Variants in TCF4 observed in about 807,000 individuals in gnomAD.
The protein encoded by TCF4 is SL3-3 enhancer factor 2.
TCF4 carries 3 observed loss-of-function variants against 82.1 expected under a neutral mutation model. That is an observed-to-expected ratio of 0.04 (90% CI 0.02 to 0.09). The LOEUF is 0.09. Ranked by LOEUF, TCF4 falls within the 10% of genes least tolerant of loss-of-function variation. The probability of loss-of-function intolerance (pLI) is 1.00; values close to 1 mark genes in which losing one functional copy is unlikely to be tolerated. For synonymous variants in TCF4, 276 were observed against 309.6 expected (o/e 0.89, Z 1.14); for missense variants, 518 against 852.7 (o/e 0.61, Z 4.89).
At position 55,577,213 on chromosome 18, in the gene TCF4, A is replaced by ATATATACGTTTATATATTTATAT. The variant is rs1568443765; in HGVS notation, c.145+8066_145+8067insATATAAATATATAAACGTATATA. Among the ~76,000 whole-genome samples, 25 of 17,834 alleles carry ATATATACGTTTATATATTTATAT rather than the reference A, an allele frequency of 1.4e-3. 1 individual carries two copies. Among genetic ancestry groups the ATATATACGTTTATATATTTATAT allele is most frequent in the Admixed American group, 5.7e-3 (11 of 1,930 alleles). The allele number at this position is 17,834 out of a possible 152,430, so 11.7% of individuals were successfully genotyped here. A position where few individuals can be genotyped will look rare whatever the true frequency, so the allele number is the denominator to read the frequency against. On this transcript the variant is annotated intron_variant, in intron 3 of 19. Coordinates refer to ENST00000354452, the MANE Select transcript of TCF4 (RefSeq NM_001083962.2). The stretch of plus-strand genomic sequence containing the variant: ...ATATATACATTTATATATTTATATA[A>ATATATACGTTTATATATTTATAT]ATGTATATATACGTTTATATATTTA...
intron 8 of TCF4, among the ~76,000 whole-genome samples, chr18:55,319,015 A>G (rs1045525742): frequency 2.6e-5 from 4 of 152,176 alleles, no homozygotes; most frequent in Non-Finnish European, 5.9e-5. Context: ...CTGAATTTAA[A>G]CAAGTAATTG....
chr18:55,386,869 T>C (rs2092649938), intron 6 of TCF4, among the ~76,000 whole-genome samples: 1 of 152,160 alleles, frequency 6.6e-6, no homozygotes, highest in Non-Finnish European at 1.5e-5. Context: ...GACTGGAATA[T>C]AAGGGGTGCT....
rs1003887029 is a variant in TCF4 at position 55,535,485 on chromosome 18, T to C, written c.145+49795A>G. Among the ~76,000 whole-genome samples the C allele has an allele frequency of 8.5e-5, 13 of 152,370 alleles. No homozygotes were observed. In the East Asian group the frequency reaches 2.3e-3, roughly 27 times the overall value. On this transcript the variant is annotated intron_variant, in intron 3 of 19. Coordinates refer to ENST00000354452, the MANE Select transcript of TCF4 (RefSeq NM_001083962.2). Reference sequence around the variant, plus strand: ...ACTGCTATATTAGAAACAAAAGTTATACAAATTCTTTTTCTGATTATTATA... The same window carrying C: ...ACTGCTATATTAGAAACAAAAGTTACACAAATTCTTTTTCTGATTATTATA...
intron 3 of TCF4, among the ~76,000 whole-genome samples, chr18:55,504,149 C>T (rs551300259): frequency 6.6e-6 from 1 of 152,356 alleles, no homozygotes; most frequent in Admixed American, 6.5e-5. Flanking sequence ...TTCTGCAACA[C>T]TTACTGATCA....
intron 12 of TCF4, among the ~76,000 whole-genome samples, chr18:55,260,484 A>G (rs1435983166): frequency 6.6e-6 from 1 of 152,230 alleles, no homozygotes; most frequent in East Asian, 1.9e-4. Flanking sequence ...ATGCTAATAC[A>G]GTGTGAACTT....
rs139779022 is a variant in TCF4, at chr18:55,349,219, A to G, written c.549+1140T>C. Among the ~76,000 whole-genome samples the G allele has an allele frequency of 1.4e-3, 217 of 152,240 alleles. 1 individual carries two copies. The highest frequency in any genetic ancestry group is 4.0e-3 in the African/African-American group (168 of 41,562). ...CTTCTTCAACATCACCAACTCTATG[A>G]TAATCAGCATACAAAATTTACTCTT... On this transcript the variant is annotated intron_variant, in intron 8 of 19. Transcript: ENST00000354452.
Position 55,577,114 on chromosome 18 carries a change from A to T in TCF4, c.145+8166T>A, listed in dbSNP as rs553848187. On this transcript the variant is annotated intron_variant, in intron 3 of 19. Coordinates refer to ENST00000354452, the MANE Select transcript of TCF4 (RefSeq NM_001083962.2). Reference sequence around the variant, plus strand: ...TACATTTATATATTTATATATGTATATATACATTTATATATTTATATATAC... The same window carrying T: ...TACATTTATATATTTATATATGTATTTATACATTTATATATTTATATATAC... Among the ~76,000 whole-genome samples, 10 of 137,724 alleles carry T rather than the reference A, an allele frequency of 7.3e-5. 1 individual carries two copies. Among genetic ancestry groups the T allele is most frequent in the African/African-American group, 1.8e-4 (7 of 39,688 alleles). 90.4% of individuals were successfully genotyped at this position (137,724 alleles called of 152,430 possible). A position where few individuals can be genotyped will look rare whatever the true frequency, so the allele number is the denominator to read the frequency against.
intron 8 of TCF4, among the ~76,000 whole-genome samples, chr18:55,304,235 A>G (rs2069386446): frequency 6.6e-6 from 1 of 152,194 alleles, no homozygotes; most frequent in African/African-American, 2.4e-5. Flanking sequence ...AGTGAAGAAG[A>G]CGGTATGAAA....
chr18:55,262,878 C>T (rs2058335396), intron 11 of TCF4, among the ~76,000 whole-genome samples: 2 of 152,188 alleles, frequency 1.3e-5, no homozygotes, highest in South Asian at 2.1e-4. Flanking sequence ...ACAATCTCGG[C>T]TCACTGCAAC....
At chr18:55,296,108 T>G (rs1346320246) in intron 8 of TCF4, among the ~76,000 whole-genome samples, 2 of 124,746 alleles carry the variant, frequency 1.6e-5, no homozygotes, top group African/African-American at 5.6e-5. Flanking sequence ...CATTAAAGTG[T>G]TTTTTTTTTT....
At chr18:55,603,511 A>C (rs1346097987) in intron 2 of TCF4, among the ~76,000 whole-genome samples, 1 of 152,232 alleles carries the variant, frequency 6.6e-6, no homozygotes, top group Non-Finnish European at 1.5e-5. Context: ...GAAGAATGCC[A>C]GATATGATCT....
chr18:55,260,227 G>T lies in TCF4; in HGVS notation c.991-200C>A, dbSNP rs537651634. Among the ~76,000 whole-genome samples the T allele has an allele frequency of 1.1e-4, 16 of 152,284 alleles. No individual in the cohort carries two copies. The South Asian group carries it at 3.1e-3, about 30-fold the overall frequency. On this transcript the variant is annotated intron_variant, in intron 12 of 19. Transcript: ENST00000354452. ...TTTTCAAAACAAGAATTACTGATGT[G>T]GTATGGGATGGTGGGAAAAGAGCCA... is the stretch of plus-strand genomic sequence containing the variant.
chr18:55,573,255 T>C (rs2038165236), intron 3 of TCF4, among the ~76,000 whole-genome samples: 1 of 146,488 alleles, frequency 6.8e-6, no homozygotes. Flanking sequence ...ATGTATAAAG[T>C]ATGGTAGATT....
At chr18:55,263,564 G>A (rs1037980659) in intron 11 of TCF4, among the ~76,000 whole-genome samples, 5 of 152,000 alleles carry the variant, frequency 3.3e-5, no homozygotes, top group Admixed American at 3.3e-4. Flanking sequence ...TTGAGATTGC[G>A]CCATTGCACT....
chr18:55,600,523 C>G (rs2097695730), intron 2 of TCF4, among the ~76,000 whole-genome samples: 1 of 152,182 alleles, frequency 6.6e-6, no homozygotes, highest in Non-Finnish European at 1.5e-5. Flanking sequence ...TACACATGGA[C>G]TCCAATATTA....
chr18:55,490,612 G>GA lies in TCF4; in HGVS notation c.146-26476_146-26475insT, dbSNP rs1568209847. Among the ~76,000 whole-genome samples, 169 of 149,382 alleles carry GA rather than the reference G, an allele frequency of 1.1e-3. 1 individual carries two copies. Among genetic ancestry groups the GA allele is most frequent in the African/African-American group, 4.0e-3 (164 of 40,814 alleles). On this transcript the variant is annotated intron_variant, in intron 3 of 19. Transcript: ENST00000354452. Reference sequence around the variant, plus strand: ...TTTAGATAGTTTGATTTAGAATGGAGCAAAAAAAAAAAGAAACTGAATAAT... The same window carrying GA: ...TTTAGATAGTTTGATTTAGAATGGAGACAAAAAAAAAAAGAAACTGAATAAT...
intron 8 of TCF4, among the ~76,000 whole-genome samples, chr18:55,294,603 C>A (rs772137672): frequency 6.6e-6 from 1 of 152,112 alleles, no homozygotes; most frequent in African/African-American, 2.4e-5. Flanking sequence ...TGGCCTTGTA[C>A]CAGGAAGAAG....
chr18:55,416,919 A>T (rs1196680519), intron 5 of TCF4, among the ~76,000 whole-genome samples: 1 of 152,172 alleles, frequency 6.6e-6, no homozygotes, highest in Admixed American at 6.5e-5. Context: ...CTTCTACCAC[A>T]ATCCTTCATC....
chr18:55,335,496 T>C (rs564918680), intron 8 of TCF4, among the ~76,000 whole-genome samples: 58 of 152,296 alleles, frequency 3.8e-4, no homozygotes, highest in African/African-American at 1.3e-3. Context: ...AACCTTTGCC[T>C]TTTTACTAGG....
Sources: allele counts gnomAD v4.1 joint callset (sites outside exome capture counted in the v4.1 genomes callset), GRCh38; gene constraint gnomAD v4.1.1; transcripts MANE v1.5; gene names NCBI Gene and HGNC (gene_info 2026-07-23, HGNC 2026-07-21).